Variants in AUH observed in about 807,000 individuals in gnomAD.
The protein encoded by AUH is AU RNA binding methylglutaconyl-CoA hydratase.
AUH carries 29 observed loss-of-function variants against 42.3 expected under a neutral mutation model. The observed-to-expected ratio is 0.69, with a 90% CI of 0.51 to 0.93. AUH has a LOEUF of 0.93. Among genes scored for constraint, AUH ranks in the 40% least tolerant of loss-of-function variants. AUH has a pLI of 0.00. For missense variants in AUH, 452 were observed against 438.1 expected, an observed-to-expected ratio of 1.03 and a Z score of -0.28; for synonymous variants, 174 against 166.4, an observed-to-expected ratio of 1.05 and a Z score of -0.35.
At chr9:91,292,273 C>G (rs1025084604) in intron 6 of AUH, among the ~76,000 whole-genome samples, 2 of 130,978 alleles carry the variant, frequency 1.5e-5, no homozygotes, top group South Asian at 4.9e-4. Context: ...TGGGAACCCT[C>G]TTTTTTTTTT....
chr9:91,340,828 A>G (rs1831050281), intron 3 of AUH, among the ~76,000 whole-genome samples: 2 of 152,226 alleles, frequency 1.3e-5, no homozygotes, highest in Non-Finnish European at 2.9e-5. Flanking sequence ...AGACAGCAAA[A>G]AACAGCCTGC....
rs570875104 is a variant in AUH at position 91,220,851 on chromosome 9, G to A, written c.797C>T (p.Ala266Val). The A allele has an allele frequency of 3.7e-6, 6 of 1,614,240 alleles. No homozygotes were observed. Among genetic ancestry groups the A allele is most frequent in the Middle Eastern group, 1.6e-4 (1 of 6,062 alleles). Residue 266 changes from alanine to valine, a missense_variant, in exon 7 of 10, where the codon GCG becomes GTG. Coordinates refer to ENST00000375731, the MANE Select transcript of AUH (RefSeq NM_001698.3). The stretch of plus-strand genomic sequence containing the variant: ...CAGGTCCAAGGCCTTCCTGTAGGCC[G>A]CGTCTCCCTCCTGGTTCTGTTCCAG... ...HVLEQNQEGD[A>V]AYRKALDLAR...
chr9:91,249,813 C>A (rs1431835798), intron 6 of AUH, among the ~76,000 whole-genome samples: 2 of 130,360 alleles, frequency 1.5e-5, no homozygotes, highest in Non-Finnish European at 3.4e-5. Flanking sequence ...AGATCAAGAC[C>A]ATCCTTGCCA....
intron 6 of AUH, among the ~76,000 whole-genome samples, chr9:91,254,984 G>T (rs1442994814): frequency 6.6e-6 from 1 of 152,152 alleles, no homozygotes; most frequent in Non-Finnish European, 1.5e-5. Context: ...AAGGAAAACT[G>T]AATCTGGAAT....
At chr9:91,269,664 T>C (rs1051620941) in intron 6 of AUH, among the ~76,000 whole-genome samples, 1 of 152,194 alleles carries the variant, frequency 6.6e-6, no homozygotes, top group Non-Finnish European at 1.5e-5. Flanking sequence ...ACTTTAAAAT[T>C]ACGAGAAGGA....
intron 6 of AUH, among the ~76,000 whole-genome samples, chr9:91,238,638 T>TA (rs1239540806): frequency 6.6e-6 from 1 of 152,244 alleles, no homozygotes; most frequent in Admixed American, 6.5e-5. Context: ...TGAAATGTAA[T>TA]ATTACTGTTT....
intron 4 of AUH, among the ~76,000 whole-genome samples, chr9:91,317,982 G>A (rs1012960831): frequency 6.6e-6 from 1 of 152,184 alleles, no homozygotes; most frequent in Non-Finnish European, 1.5e-5. Context: ...TTGGTCTTTT[G>A]TTACAATCTG....
At chr9:91,256,550 G>T (rs1176092782) in intron 6 of AUH, among the ~76,000 whole-genome samples, 3 of 151,968 alleles carry the variant, frequency 2.0e-5, no homozygotes, top group Non-Finnish European at 4.4e-5. Context: ...TAACAAGGAG[G>T]GCTGGGATTT....
intron 3 of AUH, among the ~76,000 whole-genome samples, chr9:91,331,398 G>A (rs1042279024): frequency 6.6e-6 from 1 of 152,142 alleles, no homozygotes; most frequent in Admixed American, 6.5e-5. Context: ...AGTATAATAA[G>A]ATTCAATAAG....
At chr9:91,244,944 GAAAACAAA>G (rs1396269092) in intron 6 of AUH, among the ~76,000 whole-genome samples, 1 of 152,196 alleles carries the variant, frequency 6.6e-6, no homozygotes, top group Non-Finnish European at 1.5e-5. Context: ...TTTAAACACT[GAAAACAAA>G]ATATGCATTG....
At chr9:91,284,394 C>T (rs1050375993) in intron 6 of AUH, among the ~76,000 whole-genome samples, 2 of 152,104 alleles carry the variant, frequency 1.3e-5, no homozygotes, top group Admixed American at 6.6e-5. Flanking sequence ...ATTCAGGATA[C>T]AGGCATGGGA....
At chr9:91,314,224 G>A (rs1220747416) in intron 4 of AUH, among the ~76,000 whole-genome samples, 1 of 152,014 alleles carries the variant, frequency 6.6e-6, no homozygotes, top group Non-Finnish European at 1.5e-5. Flanking sequence ...AAAGTAGGGG[G>A]CCAGGAACAG....
chr9:91,276,901 TAAAAG>T (rs1026542134), intron 6 of AUH, among the ~76,000 whole-genome samples: 8 of 152,290 alleles, frequency 5.3e-5, no homozygotes, highest in African/African-American at 1.4e-4. Flanking sequence ...AATCACCTCT[TAAAAG>T]AAATGTATTA....
chr9:91,323,342 T>C (rs1055514934), intron 4 of AUH, among the ~76,000 whole-genome samples: 2 of 152,178 alleles, frequency 1.3e-5, no homozygotes, highest in African/African-American at 2.4e-5. Context: ...TATTAACTTT[T>C]GGCCAGGTGT....
chr9:91,231,046 C>G (rs375060322), intron 6 of AUH, among the ~76,000 whole-genome samples: 11 of 152,324 alleles, frequency 7.2e-5, no homozygotes, highest in African/African-American at 1.9e-4. Context: ...TACAGAGGCA[C>G]GCAGGCCTCC....
intron 7 of AUH, among the ~76,000 whole-genome samples, chr9:91,217,854 G>A (rs1826915058): frequency 6.6e-6 from 1 of 152,280 alleles, no homozygotes; most frequent in Non-Finnish European, 1.5e-5. Context: ...TGCTCCCACA[G>A]CACACATAAA....
chr9:91,276,490 A>G (rs1825557206), intron 6 of AUH, among the ~76,000 whole-genome samples: 1 of 152,064 alleles, frequency 6.6e-6, no homozygotes, highest in Admixed American at 6.6e-5. Flanking sequence ...GCCTATGTCT[A>G]TCTACAGAGT....
intron 6 of AUH, among the ~76,000 whole-genome samples, chr9:91,257,330 G>A (rs1489487941): frequency 6.6e-6 from 1 of 151,968 alleles, no homozygotes; most frequent in Non-Finnish European, 1.5e-5. Flanking sequence ...TGCAAGATGG[G>A]GATCTGTAGT....
At chr9:91,236,783 T>C (rs1384443891) in intron 6 of AUH, among the ~76,000 whole-genome samples, 1 of 152,216 alleles carries the variant, frequency 6.6e-6, no homozygotes. Flanking sequence ...CATCATGGTT[T>C]CTGGAATAAA....
Sources: allele counts gnomAD v4.1 joint callset (sites outside exome capture counted in the v4.1 genomes callset), GRCh38; gene constraint gnomAD v4.1.1; transcripts MANE v1.5; gene names NCBI Gene and HGNC (gene_info 2026-07-23, HGNC 2026-07-21).